Variants in IPO7 observed in about 807,000 individuals in gnomAD.
IPO7 encodes the protein importin 7.
IPO7 carries 13 observed loss-of-function variants against 136.4 expected under a neutral mutation model. The ratio of observed to expected loss-of-function variants is 0.10; its 90% CI spans 0.06 to 0.15. The LOEUF (loss-of-function observed/expected upper bound fraction) is 0.15, where lower values mean the gene tolerates loss of function less well. Among genes scored for constraint, IPO7 ranks in the 10% least tolerant of loss-of-function variants. IPO7 has a pLI of 1.00. For missense variants in IPO7, 857 were observed against 1,240.6 expected (o/e 0.69, Z 4.65); for synonymous variants, 403 against 404.4 (o/e 1.00, Z 0.04).
intron 20 of IPO7, among the ~76,000 whole-genome samples, chr11:9,437,328 G>C (rs533212378): frequency 2.0e-3 from 136 of 69,732 alleles, no homozygotes; most frequent in Admixed American, 7.5e-3. Flanking sequence ...CGCGATCTCA[G>C]CTCACTGCCT....
Position 9,445,855 on chromosome 11 carries a change from T to A in IPO7, c.*661T>A, listed in dbSNP as rs1169619373. ...ATGTATAAAATAGCAAAATGTTTGC[T>A]GTTTATAAAAAGATGTAATGGGGTG... On this transcript the variant is annotated 3_prime_UTR_variant, in exon 25 of 25. Coordinates refer to ENST00000379719, the MANE Select transcript of IPO7 (RefSeq NM_006391.3). 1 of 150,772 alleles carries A rather than the reference T, an allele frequency of 6.6e-6. No individual in the cohort carries two copies. The highest frequency in any genetic ancestry group is 1.5e-5 in the Non-Finnish European group (1 of 67,670). The allele number at this position is 150,772 out of a possible 1,614,324, so 9.3% of individuals were successfully genotyped here.
At chr11:9,398,836 T>C (rs1441480933) in intron 1 of IPO7, among the ~76,000 whole-genome samples, 2 of 152,240 alleles carry the variant, frequency 1.3e-5, no homozygotes, top group African/African-American at 4.8e-5. Context: ...TCACTAGTTC[T>C]ATCTAGCTGT....
chr11:9,426,576 G>A (rs921374688), intron 12 of IPO7, among the ~76,000 whole-genome samples: 6 of 151,980 alleles, frequency 3.9e-5, no homozygotes, highest in African/African-American at 1.2e-4. Context: ...ATTTTCCAAC[G>A]TAGCTATACC....
intron 1 of IPO7, among the ~76,000 whole-genome samples, chr11:9,390,778 T>A (rs78203133): frequency 1.7e-3 from 8 of 4,606 alleles, no homozygotes; most frequent in South Asian, 9.4e-3. Flanking sequence ...ACAAAAAAAA[T>A]TTTTTTTTTT....
At position 9,437,919 on chromosome 11, in the gene IPO7, C is replaced by T; in HGVS notation, c.2434C>T (p.Pro812Ser). ...ENLRFPNNVE[P>S]VTNHFITQWL... ...TCTTCGCTTCCCTAATAATGTTGAA[C>T]CAGTTACAAATCATTTTATTACACA... The change falls in exon 21 of 25, where the codon CCA (proline) becomes TCA (serine). Residue 812 changes from proline to serine, a missense_variant. Around this residue, in one of 11 missense-constraint regions of IPO7, gnomAD observed 190 missense variants for 249.0 expected, o/e 0.76. Coordinates refer to ENST00000379719, the MANE Select transcript of IPO7 (RefSeq NM_006391.3). 6.2e-7 allele frequency: 1 copy of T among 1,613,852 alleles called. No homozygotes were observed. The highest frequency in any genetic ancestry group is 8.5e-7 in the Non-Finnish European group (1 of 1,179,836).
chr11:9,434,298 G>T (rs1161990945), intron 18 of IPO7, among the ~76,000 whole-genome samples: 1 of 152,106 alleles, frequency 6.6e-6, no homozygotes, highest in Non-Finnish European at 1.5e-5. Context: ...GCTCTCAGTG[G>T]TGATGCATGA....
At chr11:9,439,775 G>T (rs1190207843) in intron 22 of IPO7, among the ~76,000 whole-genome samples, 1 of 151,890 alleles carries the variant, frequency 6.6e-6, no homozygotes, top group Non-Finnish European at 1.5e-5. Flanking sequence ...GGGTTTCACC[G>T]TGTTGGCCAG....
intron 6 of IPO7, among the ~76,000 whole-genome samples, chr11:9,419,420 A>C (rs1320578535): frequency 6.6e-6 from 1 of 151,354 alleles, no homozygotes; most frequent in Non-Finnish European, 1.5e-5. Flanking sequence ...TGGTGGTGCA[A>C]GCCTGTAGTC....
chr11:9,430,867 G>A lies in IPO7; in HGVS notation c.1753-8G>A, dbSNP rs1409182284. On this transcript the variant is annotated splice_region_variant and splice_polypyrimidine_tract_variant and intron_variant, in intron 15 of 24. Transcript: ENST00000379719. ...TGACAAACTTGAGTTATATTCTCTT[G>A]AATCTAGGCAATGACATTTAACCAA... is the stretch of plus-strand genomic sequence containing the variant. 1.1e-5 allele frequency: 17 copies of A among 1,610,450 alleles called. No individual in the cohort carries two copies. The Admixed American group carries it at 2.8e-4, about 27-fold the overall frequency.
At chr11:9,393,888 A>AT (rs1453240439) in intron 1 of IPO7, among the ~76,000 whole-genome samples, 1 of 151,810 alleles carries the variant, frequency 6.6e-6, no homozygotes, top group Non-Finnish European at 1.5e-5. Context: ...TTTTCTTTTA[A>AT]TTTTTTTATT....
chr11:9,395,136 G>A (rs1854690860), intron 1 of IPO7, among the ~76,000 whole-genome samples: 1 of 152,118 alleles, frequency 6.6e-6, no homozygotes, highest in Admixed American at 6.6e-5. Context: ...CTGTATTGAT[G>A]TTTGCCAAAT....
At chr11:9,396,016 C>T (rs1034593670) in intron 1 of IPO7, among the ~76,000 whole-genome samples, 1 of 152,022 alleles carries the variant, frequency 6.6e-6, no homozygotes, top group Non-Finnish European at 1.5e-5. Context: ...AGCCACCATG[C>T]CTTGCTGAAA....
In IPO7 at chr11:9,447,293, A is replaced by G. The variant is rs558258940; in HGVS notation, c.*2099A>G. Reference sequence around the variant, plus strand: ...CTGAGGTTTTGTTTCAAGAAAATGTATTGGCATGTCTTTGAGAACATGTTT... The same window carrying G: ...CTGAGGTTTTGTTTCAAGAAAATGTGTTGGCATGTCTTTGAGAACATGTTT... On this transcript the variant is annotated 3_prime_UTR_variant, in exon 25 of 25. Transcript: ENST00000379719. The G allele has an allele frequency of 6.6e-6, 1 of 152,296 alleles. No homozygotes were observed. Among genetic ancestry groups the G allele is most frequent in the Non-Finnish European group, 1.5e-5 (1 of 68,008 alleles). 9.4% of individuals were successfully genotyped at this position (152,296 alleles called of 1,614,324 possible).
chr11:9,436,170 A>G, intron 19 of IPO7, 101 bp from the exon 20 acceptor site: 1 of 687,678 alleles, frequency 1.5e-6, no homozygotes, highest in South Asian at 1.8e-5. Flanking sequence ...ACCTCAAGTA[A>G]TACTCAGAGC....
chr11:9,438,344 G>A, intron 22 of IPO7, 59 bp downstream of exon 22: 1 of 1,118,128 alleles, frequency 8.9e-7, no homozygotes, highest in Non-Finnish European at 1.3e-6. Context: ...TTACCGCACT[G>A]GGCCGGGCGC....
chr11:9,443,583 C>T (rs1360861674), intron 24 of IPO7, among the ~76,000 whole-genome samples: 2 of 139,968 alleles, frequency 1.4e-5, no homozygotes, highest in Non-Finnish European at 3.0e-5. Flanking sequence ...AAGAGCGAAA[C>T]TCCGTCTCAA....
chr11:9,385,239 A>G (rs1357975053), intron 1 of IPO7, among the ~76,000 whole-genome samples: 1 of 152,144 alleles, frequency 6.6e-6, no homozygotes, highest in Non-Finnish European at 1.5e-5. Context: ...TTCTGAGACC[A>G]GTCTCGCCGT....
In IPO7 at chr11:9,430,931, C is replaced by G. The variant is rs1590448771; in HGVS notation, c.1809C>G (p.Asp603Glu). 6.2e-7 allele frequency: 1 copy of G among 1,610,456 alleles called. No individual in the cohort carries two copies. The highest frequency in any genetic ancestry group is 8.5e-7 in the Non-Finnish European group (1 of 1,177,098). ...GGCCAGATGAAGAAGGTAGTGATGA[C>G]AAAGCAGTTACTGCTATGGGAATTC... ...QTGPDEEGSD[D>E]KAVTAMGILN... Residue 603 changes from aspartate (D) to glutamate (E), a missense_variant, in exon 16 of 25, where the codon GAC becomes GAG. By Grantham distance (45) the Asp-to-Glu change is conservative. This residue lies in a region of IPO7 where 58 missense variants were observed against 122.1 expected (regional missense o/e 0.47). Transcript: ENST00000379719.
chr11:9,429,935 A>C (rs1038883650), intron 15 of IPO7, 101 bp downstream of exon 15: 5 of 767,436 alleles, frequency 6.5e-6, no homozygotes, highest in Middle Eastern at 6.5e-4. Flanking sequence ...ATAGCAGTCA[A>C]CCTTTTTGGC....
Sources: gnomAD v4.1 joint callset for allele counts (sites outside exome capture counted in the v4.1 genomes callset) on GRCh38, gnomAD v4.1.1 for gene constraint, gnomAD v4.1.1 regional missense constraint, MANE v1.5 for transcripts, NCBI Gene and HGNC (gene_info 2026-07-23, HGNC 2026-07-21) for gene names.